Variants in IFTAP observed in about 807,000 individuals in gnomAD.
The protein encoded by IFTAP is intraflagellar transport associated protein.
In IFTAP, 19 loss-of-function variants were observed where a neutral mutation model predicts 19.4. The observed-to-expected ratio is 0.98, with a 90% CI of 0.68 to 1.44. IFTAP has a LOEUF of 1.44. IFTAP is among the 40% of genes most tolerant of loss of function. The pLI is 0.00. For synonymous variants in IFTAP, 85 were observed against 83.5 expected (o/e 1.02, Z -0.10); for missense variants, 240 against 253.6 (o/e 0.95, Z 0.36).
intron 1 of IFTAP, chr11:36,597,600 G>T (rs555969753): frequency 6.6e-6 from 1 of 152,274 alleles, no homozygotes; most frequent in Non-Finnish European, 1.5e-5. Context: ...TGAGGTCTGG[G>T]TTTATAGTTC....
chr11:36,631,020 G>A (rs560167908), intron 2 of IFTAP, among the ~76,000 whole-genome samples: 13 of 151,472 alleles, frequency 8.6e-5, no homozygotes, highest in Non-Finnish European at 1.6e-4. Flanking sequence ...CTCTGTGGCC[G>A]TAAAAGTGGA....
At chr11:36,658,990 G>A (rs1854108595) in intron 5 of IFTAP, 29 bp from the exon 6 acceptor site, 3 of 1,484,780 alleles carry the variant, frequency 2.0e-6, no homozygotes, top group Middle Eastern at 1.8e-4. Flanking sequence ...GATTGTGTAT[G>A]TTTTTTCCTC....
At chr11:36,610,013 A>G in intron 1 of IFTAP, 68 bp from the exon 2 acceptor site, 1 of 1,419,818 alleles carries the variant, frequency 7.0e-7, no homozygotes, top group African/African-American at 1.5e-5. Flanking sequence ...CAACCTACCC[A>G]TCCAGAATAT....
chr11:36,620,365 A>G (rs1257313445), intron 2 of IFTAP, among the ~76,000 whole-genome samples: 3 of 152,010 alleles, frequency 2.0e-5, no homozygotes, highest in Admixed American at 6.6e-5. Context: ...TGCAAGCTGT[A>G]ATTAAGCAAT....
chr11:36,656,846 C>T (rs569516244), intron 5 of IFTAP, among the ~76,000 whole-genome samples: 12 of 151,964 alleles, frequency 7.9e-5, no homozygotes, highest in East Asian at 5.8e-4. Flanking sequence ...TAGAGGGAGT[C>T]GGGGGCATGG....
At chr11:36,632,920 G>A (rs10501160) in intron 2 of IFTAP, among the ~76,000 whole-genome samples, 24,145 of 150,724 alleles carry the variant, frequency 0.16, 3,488 homozygotes, top group African/African-American at 0.34. Context: ...GTTTTCTAAA[G>A]TCATCCATAC....
At chr11:36,645,588 A>G (rs1011801908) in intron 4 of IFTAP, among the ~76,000 whole-genome samples, 1 of 152,154 alleles carries the variant, frequency 6.6e-6, no homozygotes, top group Non-Finnish European at 1.5e-5. Flanking sequence ...TCCTGAGAGA[A>G]TATGAGTATA....
At position 36,648,047 on chromosome 11, in the gene IFTAP, G is replaced by A. The variant is rs761137002; in HGVS notation, c.390G>A (p.Gln130=). 2.5e-6 allele frequency: 4 copies of A among 1,613,220 alleles called. No homozygotes were observed. In the African/African-American group the frequency reaches 4.0e-5, roughly 16 times the overall value. ...DLLLLPGEVE[Q]DVSTSIPSCI... ...TGCTGCTTCCAGGAGAAGTGGAGCA[G>A]GATGTAAGCACCAGCATTCCTTCCT... The change falls in exon 5 of 6, where the codon CAG becomes CAA. Residue 130 remains glutamine, a synonymous_variant. Transcript: ENST00000334307.
At chr11:36,645,034 G>A (rs888577182) in intron 4 of IFTAP, among the ~76,000 whole-genome samples, 2 of 151,866 alleles carry the variant, frequency 1.3e-5, no homozygotes, top group African/African-American at 2.4e-5. Flanking sequence ...TGATCTGGAC[G>A]GCTAAAGTGT....
At chr11:36,601,383 C>T (rs1411817639) in intron 1 of IFTAP, among the ~76,000 whole-genome samples, 4 of 152,126 alleles carry the variant, frequency 2.6e-5, no homozygotes, top group Non-Finnish European at 5.9e-5. Context: ...GATGTATTGT[C>T]AAGAGAAGAA....
intron 5 of IFTAP, chr11:36,648,432 C>CGG: frequency 3.8e-6 from 1 of 264,052 alleles, no homozygotes; most frequent in Non-Finnish European, 7.1e-6. Flanking sequence ...ATAGAAAGGA[C>CGG]GGACAGTTTT....
chr11:36,619,624 C>CAGAG (rs1182014686), intron 2 of IFTAP, among the ~76,000 whole-genome samples: 1 of 152,000 alleles, frequency 6.6e-6, no homozygotes, highest in African/African-American at 2.4e-5. Flanking sequence ...AGATAGAGAC[C>CAGAG]AGAGGGCTTA....
chr11:36,621,356 T>C (rs1044489352), intron 2 of IFTAP, among the ~76,000 whole-genome samples: 1 of 152,050 alleles, frequency 6.6e-6, no homozygotes, highest in South Asian at 2.1e-4. Flanking sequence ...CAAACTCTTA[T>C]ATGAAAATCA....
At chr11:36,597,896 C>G (rs1000707417) in intron 1 of IFTAP, among the ~76,000 whole-genome samples, 2 of 152,000 alleles carry the variant, frequency 1.3e-5, no homozygotes, top group Non-Finnish European at 2.9e-5. Context: ...TAATAGTGCT[C>G]TAAAGGCCTA....
intron 2 of IFTAP, among the ~76,000 whole-genome samples, chr11:36,632,695 G>A (rs924665810): frequency 6.0e-5 from 9 of 151,122 alleles, no homozygotes; most frequent in Non-Finnish European, 1.3e-4. Flanking sequence ...ATATAAAGGA[G>A]TTCTTGATAA....
At chr11:36,649,806 C>A (rs943859129) in intron 5 of IFTAP, among the ~76,000 whole-genome samples, 21 of 152,062 alleles carry the variant, frequency 1.4e-4, no homozygotes, top group Non-Finnish European at 2.9e-4. Context: ...TCTGAAGTAA[C>A]ATCTTGGTTG....
chr11:36,631,690 G>GCAGA (rs1284458614), intron 2 of IFTAP, among the ~76,000 whole-genome samples: 1 of 151,076 alleles, frequency 6.6e-6, no homozygotes, highest in African/African-American at 2.5e-5. Context: ...CTGAGTCTCT[G>GCAGA]GAACATTTTT....
intron 2 of IFTAP, among the ~76,000 whole-genome samples, chr11:36,631,793 C>A (rs113658491): frequency 1.3e-5 from 2 of 150,504 alleles, no homozygotes; most frequent in African/African-American, 5.0e-5. Flanking sequence ...TCCTTTATCA[C>A]TCTTTTACTC....
At chr11:36,640,734 A>G (rs1285565772) in intron 4 of IFTAP, among the ~76,000 whole-genome samples, 6 of 152,314 alleles carry the variant, frequency 3.9e-5, no homozygotes, top group Admixed American at 3.3e-4. Context: ...GCTTCTCAAT[A>G]TTTAAAGGCT....
Sources: gnomAD v4.1 joint callset for allele counts (sites outside exome capture counted in the v4.1 genomes callset) on GRCh38, gnomAD v4.1.1 for gene constraint, MANE v1.5 for transcripts, NCBI Gene and HGNC (gene_info 2026-07-23, HGNC 2026-07-21) for gene names.